ADAMTS3: variants seen among roughly 807,000 people sequenced by gnomAD.
ADAMTS3 encodes A disintegrin and metalloproteinase with thrombospondin motifs 3.
Under a neutral mutation model 129.0 loss-of-function variants are expected in ADAMTS3, and 73 were observed. That is an observed-to-expected ratio of 0.57 (90% CI 0.47 to 0.69). The LOEUF (loss-of-function observed/expected upper bound fraction) is 0.69, where lower values mean the gene tolerates loss of function less well. Among genes scored for constraint, ADAMTS3 ranks in the 30% least tolerant of loss-of-function variants. The pLI is 0.00. For synonymous variants in ADAMTS3, 477 were observed against 510.8 expected (o/e 0.93, Z 0.89); for missense variants, 1,457 against 1,514.5 (o/e 0.96, Z 0.63).
In ADAMTS3 at chr4:72,392,189, C is replaced by T. The variant is rs909345251; in HGVS notation, c.661+22626G>A. ...CTCATATTCCCTGACTCCTGGAGAC[C>T]AGGGCCCCTCCCACTGTACCATCCT... On this transcript the variant is annotated intron_variant, in intron 4 of 21. Coordinates refer to ENST00000286657, the MANE Select transcript of ADAMTS3 (RefSeq NM_014243.3). Among the ~76,000 whole-genome samples the T allele has an allele frequency of 2.0e-5, 3 of 152,212 alleles. No homozygotes were observed. In the South Asian group the frequency reaches 6.2e-4, roughly 32 times the overall value.
intron 3 of ADAMTS3, among the ~76,000 whole-genome samples, chr4:72,527,310 C>A (rs1720841268): frequency 1.3e-5 from 2 of 152,120 alleles, no homozygotes; most frequent in Non-Finnish European, 2.9e-5. Context: ...TCAGATAACA[C>A]TGTTACTTAT....
chr4:72,478,401 T>A (rs1304156307), intron 3 of ADAMTS3, among the ~76,000 whole-genome samples: 1 of 149,230 alleles, frequency 6.7e-6, no homozygotes, highest in African/African-American at 2.5e-5. Flanking sequence ...TGCAAATCAA[T>A]AAATGTAATC....
chr4:72,398,429 G>C (rs1013485998), intron 4 of ADAMTS3, among the ~76,000 whole-genome samples: 1 of 151,950 alleles, frequency 6.6e-6, no homozygotes, highest in Non-Finnish European at 1.5e-5. Context: ...AATAAAAATA[G>C]GTGGGCATAG....
rs146827790 is a variant in ADAMTS3, at chr4:72,312,291, G to A, written c.1921C>T (p.Pro641Ser). 157 of 1,613,272 alleles carry A rather than the reference G, an allele frequency of 9.7e-5. No individual in the cohort carries two copies. The highest frequency in any genetic ancestry group is 1.2e-4 in the Non-Finnish European group (143 of 1,179,562). Residue 641 changes from proline (P) to serine (S), a missense_variant and splice_region_variant, in exon 13 of 22, where the codon CCC (proline) becomes TCC (serine). Coordinates refer to ENST00000286657, the MANE Select transcript of ADAMTS3 (RefSeq NM_014243.3). ...HHWLPYEHPD[P>S]KKRCHLYCQS... is the part of the protein sequence containing the mutation. ...GGAAGGAGAGCACGAGGCTACTCAC[G>A]GTCAGGATGTTCATATGGCAACCAG...
chr4:72,401,566 C>CAAAAAAAAA (rs374322807), intron 4 of ADAMTS3, among the ~76,000 whole-genome samples: 3 of 37,058 alleles, frequency 8.1e-5, no homozygotes, highest in Non-Finnish European at 9.5e-5. Context: ...TACTCTGTCT[C>CAAAAAAAAA]AAAAAAAAAA....
chr4:72,285,060 G>A (rs1446308806), intron 21 of ADAMTS3, among the ~76,000 whole-genome samples: 2 of 152,118 alleles, frequency 1.3e-5, no homozygotes, highest in African/African-American at 2.4e-5. Flanking sequence ...CCTATTATTG[G>A]GTAATACTAT....
intron 3 of ADAMTS3, among the ~76,000 whole-genome samples, chr4:72,485,520 TA>T (rs1719566536): frequency 6.6e-6 from 1 of 152,126 alleles, no homozygotes; most frequent in Admixed American, 6.5e-5. Context: ...ATTTTTTTTT[TA>T]AAGATCATTG....
intron 4 of ADAMTS3, among the ~76,000 whole-genome samples, chr4:72,400,350 T>TGC (rs1721879591): frequency 6.9e-6 from 1 of 145,974 alleles, no homozygotes; most frequent in Non-Finnish European, 1.5e-5. Flanking sequence ...TGTGTATATA[T>TGC]ACGTGTGCAT....
chr4:72,523,473 A>C (rs912536456), intron 3 of ADAMTS3, among the ~76,000 whole-genome samples: 1 of 152,116 alleles, frequency 6.6e-6, no homozygotes, highest in African/African-American at 2.4e-5. Context: ...ATGTCACTCA[A>C]ATTAAAATGA....
At chr4:72,545,237 A>G (rs1490378017) in intron 3 of ADAMTS3, among the ~76,000 whole-genome samples, 1 of 152,218 alleles carries the variant, frequency 6.6e-6, no homozygotes, top group Non-Finnish European at 1.5e-5. Flanking sequence ...AAAATTAGAC[A>G]TGAGATGTGA....
chr4:72,458,268 C>A (rs1718676704), intron 3 of ADAMTS3, among the ~76,000 whole-genome samples: 1 of 151,478 alleles, frequency 6.6e-6, no homozygotes, highest in Admixed American at 6.6e-5. Flanking sequence ...GCCAATCATC[C>A]CAGAGCCTTA....
chr4:72,554,261 T>A (rs886453890), intron 2 of ADAMTS3, among the ~76,000 whole-genome samples: 6 of 152,256 alleles, frequency 3.9e-5, no homozygotes, highest in Admixed American at 1.3e-4. Flanking sequence ...TATTTCAATA[T>A]ACTTAGAAAT....
chr4:72,461,708 A>G (rs1215566464), intron 3 of ADAMTS3, among the ~76,000 whole-genome samples: 1 of 151,916 alleles, frequency 6.6e-6, no homozygotes, highest in Non-Finnish European at 1.5e-5. Flanking sequence ...ATTCAACAAT[A>G]CAATGAAATG....
At chr4:72,375,220 T>C (rs1721106651) in intron 4 of ADAMTS3, among the ~76,000 whole-genome samples, 1 of 152,118 alleles carries the variant, frequency 6.6e-6, no homozygotes, top group Admixed American at 6.6e-5. Context: ...CCTTAGTAAA[T>C]ATGCTATTTC....
chr4:72,438,138 T>C (rs1381704101), intron 3 of ADAMTS3, among the ~76,000 whole-genome samples: 1 of 151,732 alleles, frequency 6.6e-6, no homozygotes, highest in Non-Finnish European at 1.5e-5. Context: ...AACCCGACTA[T>C]ATCCAGAGGT....
At chr4:72,308,502 A>C (rs1212691288) in intron 15 of ADAMTS3, among the ~76,000 whole-genome samples, 3 of 151,954 alleles carry the variant, frequency 2.0e-5, no homozygotes. Flanking sequence ...TCATGATTTT[A>C]TAAGATACCA....
At chr4:72,520,601 T>A (rs1720639904) in intron 3 of ADAMTS3, among the ~76,000 whole-genome samples, 1 of 152,138 alleles carries the variant, frequency 6.6e-6, no homozygotes, top group Admixed American at 6.5e-5. Context: ...CAGACTGCCG[T>A]GCTAGCAATC....
intron 4 of ADAMTS3, among the ~76,000 whole-genome samples, chr4:72,343,498 CCATGAT>C (rs1372622263): frequency 6.6e-6 from 1 of 152,142 alleles, no homozygotes; most frequent in Non-Finnish European, 1.5e-5. Flanking sequence ...TCCTATATCA[CCATGAT>C]CGTGTCTCCC....
chr4:72,337,052 T>A (rs1237610339), intron 5 of ADAMTS3, among the ~76,000 whole-genome samples: 1 of 152,200 alleles, frequency 6.6e-6, no homozygotes, highest in African/African-American at 2.4e-5. Flanking sequence ...TCATTCTTCA[T>A]CTGTGTGATT....
Sources: allele counts gnomAD v4.1 joint callset (sites outside exome capture counted in the v4.1 genomes callset), GRCh38; gene constraint gnomAD v4.1.1; transcripts MANE v1.5; gene names NCBI Gene and HGNC (gene_info 2026-07-23, HGNC 2026-07-21).